DDHD1: variants seen among roughly 807,000 people sequenced by gnomAD.
The protein encoded by DDHD1 is DDHD domain containing 1, also known as phospholipase DDHD1.
DDHD1 carries 49 observed loss-of-function variants against 96.4 expected under a neutral mutation model. The observed-to-expected ratio is 0.51, with a 90% confidence interval of 0.40 to 0.64. The LOEUF (loss-of-function observed/expected upper bound fraction) is 0.64, where lower values mean the gene tolerates loss of function less well. Ranked by LOEUF, DDHD1 falls within the 30% of genes least tolerant of loss-of-function variation. The pLI is 0.00. For synonymous variants in DDHD1, 442 were observed against 446.5 expected (o/e 0.99, Z 0.13); for missense variants, 1,106 against 1,161.2 (o/e 0.95, Z 0.69).
chr14:53,116,068 G>A (rs1170806340), intron 1 of DDHD1, among the ~76,000 whole-genome samples: 1 of 152,182 alleles, frequency 6.6e-6, no homozygotes, highest in Non-Finnish European at 1.5e-5. Context: ...AAAAGCAGGG[G>A]TTGCAATCCT....
At chr14:53,080,679 C>T (rs1885384005) in intron 4 of DDHD1, among the ~76,000 whole-genome samples, 1 of 150,302 alleles carries the variant, frequency 6.7e-6, no homozygotes, top group Non-Finnish European at 1.5e-5. Context: ...TTAAAAAAAT[C>T]CCTAATACTT....
intron 4 of DDHD1, among the ~76,000 whole-genome samples, chr14:53,081,272 T>C (rs993041109): frequency 6.6e-6 from 1 of 152,268 alleles, no homozygotes; most frequent in Admixed American, 6.5e-5. Flanking sequence ...AAAGTTTCTT[T>C]GTCATCTTTT....
intron 1 of DDHD1, among the ~76,000 whole-genome samples, chr14:53,139,291 C>A (rs975510641): frequency 6.6e-6 from 1 of 152,138 alleles, no homozygotes; most frequent in African/African-American, 2.4e-5. Context: ...CTCTCGCCCA[C>A]ACCATCATCA....
At chr14:53,131,167 A>C (rs1889837575) in intron 1 of DDHD1, among the ~76,000 whole-genome samples, 1 of 152,098 alleles carries the variant, frequency 6.6e-6, no homozygotes, top group African/African-American at 2.4e-5. Flanking sequence ...AGGCATTTTA[A>C]CTAAATTATC....
rs1216098371 is a variant in DDHD1 at position 53,153,314 on chromosome 14, C to G, written c.-216G>C. ...CCGGCCCCATTGTCACGCAGCCCGACGTAGGCGGTGCTTCGGCCCCCGCCC... is the reference window on the plus strand; with the variant it reads ...CCGGCCCCATTGTCACGCAGCCCGAGGTAGGCGGTGCTTCGGCCCCCGCCC... On this transcript the variant is annotated 5_prime_UTR_variant, in exon 1 of 13. Transcript: ENST00000673822. 7.7e-6 allele frequency: 3 copies of G among 389,120 alleles called. No individual in the cohort carries two copies. The highest frequency in any genetic ancestry group is 1.3e-5 in the Non-Finnish European group (3 of 226,414). The allele number at this position is 389,120 out of a possible 1,614,324, so 24.1% of individuals were successfully genotyped here. A position where few individuals can be genotyped will look rare whatever the true frequency, so the allele number is the denominator to read the frequency against.
Position 53,046,820 on chromosome 14 carries a change from A to G in DDHD1, c.2651T>C (p.Met884Thr). 1 of 1,613,052 alleles carries G rather than the reference A, an allele frequency of 6.2e-7. No individual in the cohort carries two copies. The highest frequency in any genetic ancestry group is 8.5e-7 in the Non-Finnish European group (1 of 1,179,440). The change falls in exon 13 of 13, where the codon ATG (methionine) becomes ACG (threonine). Residue 884 changes from methionine (M) to threonine (T), a missense_variant. Transcript: ENST00000673822. ...LDVALFLLTF[M>T]YKHEHDDDAK... ...ATCATCATCGTGCTCATGTTTATAC[A>G]TGAAGGTTAAAAGAAAAAGGGCAAC...
At chr14:53,061,093 T>A (rs1341860832) in intron 8 of DDHD1, 33 bp downstream of exon 8, 2 of 1,567,482 alleles carry the variant, frequency 1.3e-6, no homozygotes, top group Non-Finnish European at 1.7e-6. Context: ...AATACTGAGA[T>A]CAATGTTGAA....
intron 1 of DDHD1, among the ~76,000 whole-genome samples, chr14:53,132,624 T>C (rs562610185): frequency 2.0e-5 from 3 of 152,308 alleles, no homozygotes; most frequent in South Asian, 4.1e-4. Flanking sequence ...TAAATATGCC[T>C]TCCATATCCT....
intron 1 of DDHD1, among the ~76,000 whole-genome samples, chr14:53,136,674 A>G (rs1368597973): frequency 6.6e-6 from 1 of 152,224 alleles, no homozygotes; most frequent in East Asian, 1.9e-4. Flanking sequence ...GTCAGAATAT[A>G]AAAACCTAAT....
chr14:53,132,853 A>C (rs1403033898), intron 1 of DDHD1, among the ~76,000 whole-genome samples: 5 of 152,202 alleles, frequency 3.3e-5, no homozygotes, highest in East Asian at 1.9e-4. Flanking sequence ...GTAGCTAAAG[A>C]AGCAGCTAGC....
chr14:53,086,934 T>C (rs1340389953), intron 4 of DDHD1, among the ~76,000 whole-genome samples: 1 of 43,082 alleles, frequency 2.3e-5, no homozygotes, highest in Non-Finnish European at 4.5e-5. Flanking sequence ...AGGCCCAAAA[T>C]AAAGGGGTGG....
At chr14:53,139,905 T>TC (rs1359888276) in intron 1 of DDHD1, among the ~76,000 whole-genome samples, 6 of 148,336 alleles carry the variant, frequency 4.0e-5, no homozygotes, top group Admixed American at 4.0e-4. Flanking sequence ...CTGGAACTAT[T>TC]AGAAAACTTA....
intron 12 of DDHD1, among the ~76,000 whole-genome samples, chr14:53,048,130 T>C (rs981222339): frequency 4.6e-5 from 7 of 152,236 alleles, no homozygotes; most frequent in African/African-American, 1.4e-4. Context: ...TTTAAATAGG[T>C]ATTTTGTGAC....
At chr14:53,135,697 G>A (rs1357564995) in intron 1 of DDHD1, among the ~76,000 whole-genome samples, 1 of 152,226 alleles carries the variant, frequency 6.6e-6, no homozygotes, top group African/African-American at 2.4e-5. Context: ...AATACAGACG[G>A]TCAAGAATGA....
chr14:53,130,829 G>A (rs372829514), intron 1 of DDHD1, among the ~76,000 whole-genome samples: 13 of 152,204 alleles, frequency 8.5e-5, no homozygotes, highest in East Asian at 3.8e-4. Context: ...AAGGCTCTCT[G>A]ACTCCTTTCC....
chr14:53,048,401 G>C (rs944087564), intron 12 of DDHD1: 1 of 148,708 alleles, frequency 6.7e-6, no homozygotes, highest in Non-Finnish European at 1.5e-5. Context: ...GCAGTGGCAC[G>C]ATCTTTGCTC....
At chr14:53,055,068 G>C (rs372431634) in intron 10 of DDHD1, among the ~76,000 whole-genome samples, 5 of 152,148 alleles carry the variant, frequency 3.3e-5, no homozygotes, top group African/African-American at 1.2e-4. Flanking sequence ...ATGAGTCCAG[G>C]AGATAAAGCC....
intron 2 of DDHD1, among the ~76,000 whole-genome samples, chr14:53,097,663 C>A (rs1163181987): frequency 6.6e-6 from 1 of 151,886 alleles, no homozygotes; most frequent in Non-Finnish European, 1.5e-5. Flanking sequence ...GGTAGTAAAA[C>A]TAACGTGAAC....
chr14:53,135,191 C>T (rs1241477932), intron 1 of DDHD1, among the ~76,000 whole-genome samples: 2 of 152,158 alleles, frequency 1.3e-5, no homozygotes, highest in African/African-American at 4.8e-5. Context: ...TCCAGATGGC[C>T]TGAAGCAACT....
Sources: gnomAD v4.1 joint callset for allele counts (sites outside exome capture counted in the v4.1 genomes callset) on GRCh38, gnomAD v4.1.1 for gene constraint, MANE v1.5 for transcripts, NCBI Gene and HGNC (gene_info 2026-07-23, HGNC 2026-07-21) for gene names.